Variants in TRIM24 observed in about 807,000 individuals in gnomAD.
TRIM24 encodes the protein transcription intermediary factor 1-alpha.
TRIM24 carries 29 observed loss-of-function variants against 123.9 expected under a neutral mutation model. That is an observed-to-expected ratio of 0.23 (90% CI 0.17 to 0.32). TRIM24 has a LOEUF of 0.32. Among genes scored for constraint, TRIM24 ranks in the 10% least tolerant of loss-of-function variants. TRIM24 has a pLI of 1.00. For synonymous variants in TRIM24, 456 were observed against 461.1 expected (o/e 0.99, Z 0.14); for missense variants, 932 against 1,295.3 (o/e 0.72, Z 4.31).
chr7:138,577,291 A>G (rs1797780105), intron 13 of TRIM24, 129 bp from the exon 14 acceptor site: 1 of 649,562 alleles, frequency 1.5e-6, no homozygotes, highest in African/African-American at 1.9e-5. Context: ...GTTATGCATC[A>G]TTAATTGCTG....
chr7:138,470,996 C>A (rs962764115), intron 1 of TRIM24, among the ~76,000 whole-genome samples: 1 of 152,184 alleles, frequency 6.6e-6, no homozygotes, highest in East Asian at 1.9e-4. Context: ...AGTGGCAGAG[C>A]TGGCACTTTA....
At chr7:138,515,106 C>A in intron 2 of TRIM24, 106 bp from the exon 3 acceptor site, 1 of 1,156,014 alleles carries the variant, frequency 8.7e-7, no homozygotes, top group Non-Finnish European at 1.2e-6. Flanking sequence ...CATTAGGAGG[C>A]TAACTGATTT....
At position 138,584,634 on chromosome 7, in the gene TRIM24, A is replaced by G. The variant is rs147861652; in HGVS notation, c.2944-108A>G. On this transcript the variant is annotated intron_variant, in intron 18 of 18. Coordinates refer to ENST00000343526, the MANE Select transcript of TRIM24 (RefSeq NM_015905.3). The stretch of plus-strand genomic sequence containing the variant: ...AGACTTTGTCTAGTCCTAAACTATT[A>G]TTTCAATGACTATGCATGAACACTT... The G allele has an allele frequency of 1.8e-5, 15 of 851,672 alleles. No homozygotes were observed. The East Asian group carries it at 3.2e-4, about 18-fold the overall frequency. 52.8% of individuals were successfully genotyped at this position (851,672 alleles called of 1,614,324 possible). A position where few individuals can be genotyped will look rare whatever the true frequency, so the allele number is the denominator to read the frequency against.
chr7:138,476,334 C>T (rs997031752), intron 1 of TRIM24, among the ~76,000 whole-genome samples: 4 of 152,156 alleles, frequency 2.6e-5, no homozygotes, highest in Non-Finnish European at 4.4e-5. Context: ...GTGGCTCACG[C>T]CTGTAATCCC....
rs866781318 is a variant in TRIM24, at chr7:138,463,999, T to A, written c.364+3087T>A. On this transcript the variant is annotated intron_variant, in intron 1 of 18. Transcript: ENST00000343526. ...AAGCAAAAATTTAGACTTTTTTTTT[T>A]TTTTTTTTTTTTTGAGACGGAGTCT... Among the ~76,000 whole-genome samples the A allele has an allele frequency of 5.8e-3, 576 of 99,144 alleles. 36 individuals are homozygous for A. Among genetic ancestry groups the A allele is most frequent in the African/African-American group, 0.022 (536 of 24,198 alleles). 65.0% of individuals were successfully genotyped at this position (99,144 alleles called of 152,430 possible). A position where few individuals can be genotyped will look rare whatever the true frequency, so the allele number is the denominator to read the frequency against.
chr7:138,474,208 C>G (rs1164876071), intron 1 of TRIM24, among the ~76,000 whole-genome samples: 1 of 148,044 alleles, frequency 6.8e-6, no homozygotes, highest in Non-Finnish European at 1.5e-5. Context: ...TCACTGCAAA[C>G]TCTGCCTCCC....
intron 2 of TRIM24, among the ~76,000 whole-genome samples, chr7:138,512,691 G>T (rs1037782906): frequency 4.6e-5 from 7 of 152,034 alleles, no homozygotes; most frequent in Non-Finnish European, 8.8e-5. Context: ...AGGGGAGTGA[G>T]CCCCTGAGCC....
At chr7:138,578,471 A>ACAAT (rs1199377406) in intron 14 of TRIM24, among the ~76,000 whole-genome samples, 4 of 152,118 alleles carry the variant, frequency 2.6e-5, no homozygotes, top group Non-Finnish European at 5.9e-5. Context: ...ACCAACTAAA[A>ACAAT]CAATCAATGC....
At chr7:138,537,828 T>C (rs995249888) in intron 6 of TRIM24, among the ~76,000 whole-genome samples, 2 of 152,234 alleles carry the variant, frequency 1.3e-5, no homozygotes, top group African/African-American at 4.8e-5. Context: ...TCGCTTTTTA[T>C]TGAGAATGTA....
chr7:138,550,972 G>T, intron 7 of TRIM24, 91 bp from the exon 8 acceptor site: 1 of 963,372 alleles, frequency 1.0e-6, no homozygotes. Context: ...ATTGTGTATT[G>T]ATGTACATAC....
intron 9 of TRIM24, among the ~76,000 whole-genome samples, chr7:138,562,508 G>T (rs553290638): frequency 6.6e-6 from 1 of 152,236 alleles, no homozygotes; most frequent in East Asian, 1.9e-4. Context: ...GGCAGGAGTG[G>T]GATGTTCCAG....
At chr7:138,580,453 C>G (rs1797869066) in intron 15 of TRIM24, 109 bp from the exon 16 acceptor site, 1 of 1,371,226 alleles carries the variant, frequency 7.3e-7, no homozygotes, top group African/African-American at 1.4e-5. Context: ...AAAATTCATG[C>G]CAAATGAACA....
At chr7:138,553,470 T>C (rs1458927292) in intron 8 of TRIM24, among the ~76,000 whole-genome samples, 1 of 152,170 alleles carries the variant, frequency 6.6e-6, no homozygotes, top group Non-Finnish European at 1.5e-5. Flanking sequence ...AATAACTGTA[T>C]ATTTTTAGAA....
chr7:138,569,282 G>A lies in TRIM24; in HGVS notation c.1705-1548G>A, dbSNP rs1797603727. ...TTTAATGAGTAGATACTCTAAGCAT[G>A]TTTTTTTAAAATGGTTGTTGACCAA... On this transcript the variant is annotated intron_variant, in intron 10 of 18. Transcript: ENST00000343526. Among the ~76,000 whole-genome samples, 3 of 152,054 alleles carry A rather than the reference G, an allele frequency of 2.0e-5. No individual in the cohort carries two copies. In the South Asian group the frequency reaches 6.2e-4, roughly 32 times the overall value.
At chr7:138,536,812 G>T (rs534085938) in intron 6 of TRIM24, among the ~76,000 whole-genome samples, 1 of 152,246 alleles carries the variant, frequency 6.6e-6, no homozygotes, top group South Asian at 2.1e-4. Flanking sequence ...TGCCCCCAGA[G>T]GTGGCGTCTG....
chr7:138,476,651 A>G (rs181654900), intron 1 of TRIM24, among the ~76,000 whole-genome samples: 13 of 152,184 alleles, frequency 8.5e-5, no homozygotes, highest in Admixed American at 6.5e-4. Flanking sequence ...CTTTGACATT[A>G]TACTTTTTGG....
chr7:138,581,823 G>A (rs760421069), intron 17 of TRIM24, 52 bp downstream of exon 17: 1 of 1,395,548 alleles, frequency 7.2e-7, no homozygotes, highest in South Asian at 1.2e-5. Context: ...TGCTTTTCTG[G>A]AATTTTATGA....
At chr7:138,579,175 C>CAGTT (rs749246999) in intron 14 of TRIM24, 29 bp from the exon 15 acceptor site, 2 of 1,523,220 alleles carry the variant, frequency 1.3e-6, no homozygotes, top group Admixed American at 4.4e-5. Context: ...TTTTTAAAGC[C>CAGTT]AGTTAAATAT....
intron 15 of TRIM24, 103 bp from the exon 16 acceptor site, chr7:138,580,459 G>T: frequency 7.0e-7 from 1 of 1,419,926 alleles, no homozygotes; most frequent in Middle Eastern, 1.9e-4. Context: ...CATGCCAAAT[G>T]AACAATTCTG....
Sources: gnomAD v4.1 joint callset for allele counts (sites outside exome capture counted in the v4.1 genomes callset) on GRCh38, gnomAD v4.1.1 for gene constraint, MANE v1.5 for transcripts, NCBI Gene and HGNC (gene_info 2026-07-23, HGNC 2026-07-21) for gene names.